PRAME: variants seen among roughly 807,000 people sequenced by gnomAD.
PRAME encodes melanoma antigen preferentially expressed in tumors.
A neutral mutation model predicts 32.1 loss-of-function variants in PRAME; 21 were observed. The observed-to-expected ratio is 0.65, with a 90% CI of 0.46 to 0.94. PRAME has a LOEUF of 0.94. Ranked by LOEUF, PRAME falls within the 40% of genes least tolerant of loss-of-function variation. The pLI, the probability that PRAME is intolerant of heterozygous loss-of-function variation, is 0.00. For missense variants in PRAME, 651 were observed against 622.3 expected (o/e 1.05, Z -0.49); for synonymous variants, 274 against 251.5 (o/e 1.09, Z -0.85).
In PRAME at chr22:22,551,030, C is replaced by T. The variant is rs2062535317; in HGVS notation, c.81G>A (p.Val27=). Residue 27 remains valine (V), a synonymous_variant, in exon 4 of 6, where the codon GTG becomes GTA. Coordinates refer to ENST00000405655, the MANE Select transcript of PRAME (RefSeq NM_206956.3). ...MSVWTSPRRL[V]ELAGQSLLKD... ...TCAGCAGGCTCTGCCCTGCCAGCTC[C>T]ACAAGTCTCCGTGGGCTTGTCCACA... The T allele has an allele frequency of 6.2e-7, 1 of 1,610,434 alleles. No homozygotes were observed. Among genetic ancestry groups the T allele is most frequent in the Non-Finnish European group, 8.5e-7 (1 of 1,177,638 alleles).
chr22:22,555,905 G>A (rs1332482448), intron 3 of PRAME: 1 of 470,828 alleles, frequency 2.1e-6, no homozygotes, highest in Non-Finnish European at 4.4e-6. Context: ...TGACACCACT[G>A]GAAGTGTGGG....
At chr22:22,553,978 T>C in intron 3 of PRAME, 1 of 985,246 alleles carries the variant, frequency 1.0e-6, no homozygotes, top group Non-Finnish European at 1.2e-6. Flanking sequence ...CTGTTCTTTC[T>C]TGCCCCTAAG....
At chr22:22,554,772 T>C (rs927968782) in intron 3 of PRAME, among the ~76,000 whole-genome samples, 3 of 151,912 alleles carry the variant, frequency 2.0e-5, no homozygotes, top group Non-Finnish European at 4.4e-5. Context: ...AATCTAAGTG[T>C]TAGAAAGGGC....
rs2146948884 is a variant in PRAME at position 22,548,371 on chromosome 22, G to T, written c.1226C>A (p.Thr409Lys). ...GGAATTCCCGTAGAAGCTTAAGGTC[G>T]TAAGCTGGGAGCAGTGGCTCAGGGA... ...LPSLSHCSQL[T>K]TLSFYGNSIS... The change falls in exon 6 of 6, where the codon ACG becomes AAG. Residue 409 changes from threonine (T) to lysine (K), a missense_variant. Physicochemically the swap from Thr to Lys is moderately conservative, Grantham distance 78 (BLOSUM62 -1). Coordinates refer to ENST00000405655, the MANE Select transcript of PRAME (RefSeq NM_206956.3). 6.2e-7 allele frequency: 1 copy of T among 1,613,400 alleles called. No homozygotes were observed.
chr22:22,557,133 AGTGACCCCT>A, intron 2 of PRAME: 1 of 497,914 alleles, frequency 2.0e-6, no homozygotes, highest in Non-Finnish European at 3.6e-6. Flanking sequence ...GTTGGTCACA[AGTGACCCCT>A]GTGGTCAAGG....
Position 22,547,844 on chromosome 22 carries a change from A to C in PRAME, c.*223T>G. The C allele has an allele frequency of 3.4e-6, 2 of 583,298 alleles. No individual in the cohort carries two copies. The highest frequency in any genetic ancestry group is 6.0e-6 in the Non-Finnish European group (2 of 331,544). 36.1% of individuals were successfully genotyped at this position (583,298 alleles called of 1,614,324 possible). A position where few individuals can be genotyped will look rare whatever the true frequency, so the allele number is the denominator to read the frequency against. On this transcript the variant is annotated 3_prime_UTR_variant, in exon 6 of 6. Coordinates refer to ENST00000405655, the MANE Select transcript of PRAME (RefSeq NM_206956.3). ...TAACTCTATAAGATGTATCTCCCCA[A>C]AGATCACATTAACTCCTCAAGTCAA... is the stretch of plus-strand genomic sequence containing the variant.
chr22:22,555,797 G>A (rs542191550), intron 3 of PRAME: 3 of 454,018 alleles, frequency 6.6e-6, no homozygotes, highest in South Asian at 1.6e-5. Context: ...GGATGAGGCA[G>A]TGCAATCTTG....
In PRAME at chr22:22,548,223, C is replaced by T. The variant is rs755447323; in HGVS notation, c.1374G>A (p.Glu458=). 1.2e-6 allele frequency: 2 copies of T among 1,613,836 alleles called. No homozygotes were observed. Among genetic ancestry groups the T allele is most frequent in the Non-Finnish European group, 1.7e-6 (2 of 1,179,972 alleles). ...GCCTGGCATGCAGATAGGCAAGCCT[C>T]TCCAGGTGGAGGGTACCATGGATGT... ...YEDIHGTLHL[E]RLAYLHARLR... The change falls in exon 6 of 6, where the codon GAG becomes GAA. Residue 458 remains glutamate (E), a synonymous_variant. Transcript: ENST00000405655.
intron 3 of PRAME, chr22:22,556,014 G>A (rs1292762157): frequency 2.4e-6 from 1 of 409,008 alleles, no homozygotes; most frequent in Admixed American, 2.6e-5. Context: ...TTTTTTGGAG[G>A]AGGAGTTTCA....
rs760158493 is a variant in PRAME at position 22,548,593 on chromosome 22, G to A, written c.1004C>T (p.Ser335Leu). The A allele has an allele frequency of 4.8e-5, 78 of 1,610,704 alleles. 1 individual carries two copies. The Middle Eastern group carries it at 9.9e-4, about 20-fold the overall frequency. ...GGACAGATGCATCACATCCCCTTCC[G>A]AAAGCCGGCAGTTAGTTATTGAGAG... The part of the protein sequence containing the change: ...ETLSITNCRL[S>L]EGDVMHLSQS... Residue 335 changes from serine to leucine, a missense_variant, in exon 6 of 6, where the codon TCG (serine) becomes TTG (leucine). Coordinates refer to ENST00000405655, the MANE Select transcript of PRAME (RefSeq NM_206956.3).
At position 22,550,161 on chromosome 22, in the gene PRAME, A is replaced by T. The variant is rs541813393; in HGVS notation, c.518T>A (p.Ile173Asn). The change falls in exon 5 of 6, where the codon ATT becomes AAT. Residue 173 changes from isoleucine to asparagine, a missense_variant. By Grantham distance (149) the Ile-to-Asn change is moderately radical. Coordinates refer to ENST00000405655, the MANE Select transcript of PRAME (RefSeq NM_206956.3). ...GLSTEAEQPFIPVEVLVDLFL... is the reference protein window; with the variant it reads ...GLSTEAEQPFNPVEVLVDLFL... Reference sequence around the variant, plus strand: ...CAGGTCTACGAGCACCTCTACTGGAATGAAGGGCTGCTCTGCCTCTGTGCT... The same window carrying T: ...CAGGTCTACGAGCACCTCTACTGGATTGAAGGGCTGCTCTGCCTCTGTGCT... 6.2e-7 allele frequency: 1 copy of T among 1,613,862 alleles called. No homozygotes were observed. The highest frequency in any genetic ancestry group is 1.3e-5 in the African/African-American group (1 of 74,984).
At chr22:22,549,545 C>G (rs920994758) in intron 5 of PRAME, among the ~76,000 whole-genome samples, 181 bp downstream of exon 5, 1 of 151,866 alleles carries the variant, frequency 6.6e-6, no homozygotes, top group Non-Finnish European at 1.5e-5. Flanking sequence ...ACCTCTAACC[C>G]TTATGAGTAG....
rs143505065 is a variant in PRAME at position 22,548,447 on chromosome 22, C to T, written c.1150G>A (p.Val384Ile). Residue 384 changes from valine (V) to isoleucine (I), a missense_variant, in exon 6 of 6, where the codon GTC becomes ATC. Coordinates refer to ENST00000405655, the MANE Select transcript of PRAME (RefSeq NM_206956.3). ...TCCGTGATCCCACACTCATCAAAGA[C>T]CAGGTCCTGGAGGGTGGCAGAGGCT... ...ERASATLQDL[V>I]FDECGITDDQ... The T allele has an allele frequency of 3.8e-3, 6,111 of 1,613,646 alleles. 136 individuals are homozygous for T. In the South Asian group the frequency reaches 0.045, roughly 12 times the overall value.
Position 22,550,028 on chromosome 22 carries a change from T to C in PRAME, c.651A>G (p.Ala217=), listed in dbSNP as rs554526902. 4 of 1,613,880 alleles carry C rather than the reference T, an allele frequency of 2.5e-6. No homozygotes were observed. Among genetic ancestry groups the C allele is most frequent in the Admixed American group, 3.3e-5 (2 of 59,986 alleles). The change falls in exon 5 of 6, where the codon GCA becomes GCG. Residue 217 remains alanine (A), a synonymous_variant. Transcript: ENST00000405655. ...RLCCKKLKIF[A]MPMQDIKMIL... is the part of the protein sequence containing the mutation. ...TCATCTTGATATCCTGCATGGGCATTGCAAAAATCTTCAGCTTCTTACAGC... is the reference window on the plus strand; with the variant it reads ...TCATCTTGATATCCTGCATGGGCATCGCAAAAATCTTCAGCTTCTTACAGC...
rs761188622 is a variant in PRAME at position 22,550,014 on chromosome 22, T to C, written c.665A>G (p.Asp222Gly). 1.2e-6 allele frequency: 2 copies of C among 1,613,870 alleles called. No homozygotes were observed. Among genetic ancestry groups the C allele is most frequent in the South Asian group, 1.1e-5 (1 of 91,056 alleles). The change falls in exon 5 of 6, where the codon GAT (aspartate) becomes GGT (glycine). Residue 222 changes from aspartate to glycine, a missense_variant. By Grantham distance (94) the Asp-to-Gly change is moderately conservative (BLOSUM62 -1). Transcript: ENST00000405655. ...CACCATTTTCAGGATCATCTTGATA[T>C]CCTGCATGGGCATTGCAAAAATCTT... The part of the protein sequence containing the change: ...KLKIFAMPMQ[D>G]IKMILKMVQL...
chr22:22,547,714 TTC>T lies in PRAME; in HGVS notation c.*351_*352del, dbSNP rs146148459. The T allele has an allele frequency of 4.8e-3, 1,219 of 256,136 alleles. 17 individuals carry two copies. The highest frequency in any genetic ancestry group is 0.025 in the African/African-American group (1,112 of 44,578). 15.9% of individuals were successfully genotyped at this position (256,136 alleles called of 1,614,324 possible). ...CAAGACACCAGGTGCTTCACATTGC[TTC>T]TCTTTATTTTCAACAGTTTCTTTAC... On this transcript the variant is annotated 3_prime_UTR_variant, in exon 6 of 6. Transcript: ENST00000405655.
At position 22,547,920 on chromosome 22, in the gene PRAME, G is replaced by C; in HGVS notation, c.*147C>G. 2.2e-6 allele frequency: 2 copies of C among 906,840 alleles called. No individual in the cohort carries two copies. Among genetic ancestry groups the C allele is most frequent in the East Asian group, 2.5e-5 (1 of 40,812 alleles). 56.2% of individuals were successfully genotyped at this position (906,840 alleles called of 1,614,324 possible). A position where few individuals can be genotyped will look rare whatever the true frequency, so the allele number is the denominator to read the frequency against. ...TTTTTTCCTCACTGAACATTTGTCT[G>C]AATGTTTTTTCCTCACTGAACATGT... On this transcript the variant is annotated 3_prime_UTR_variant, in exon 6 of 6. Transcript: ENST00000405655.
Position 22,556,815 on chromosome 22 carries a change from C to G in PRAME, c.18G>C (p.Leu6Phe), listed in dbSNP as rs1190417186. 2 of 1,612,888 alleles carry G rather than the reference C, an allele frequency of 1.2e-6. No individual in the cohort carries two copies. The highest frequency in any genetic ancestry group is 1.7e-6 in the Non-Finnish European group (2 of 1,179,892). Residue 6 changes from leucine to phenylalanine, a missense_variant, in exon 3 of 6, where the codon TTG becomes TTC. Leu to Phe is a conservative substitution (Grantham distance 22). Coordinates refer to ENST00000405655, the MANE Select transcript of PRAME (RefSeq NM_206956.3). Reference protein sequence around the residue: MERRRLWGSIQSRYIS... With the variant: MERRRFWGSIQSRYIS... ...ACAGCTCAGGGGACCTTCTTACCCA[C>G]AAACGCCTTCGTTCCATTTTGAAGC...
intron 5 of PRAME, among the ~76,000 whole-genome samples, chr22:22,549,522 T>C (rs1427225616): frequency 1.3e-5 from 2 of 151,926 alleles, no homozygotes; most frequent in Non-Finnish European, 2.9e-5. Flanking sequence ...TAATAGCATC[T>C]ATCCTAATGT....
Sources: gnomAD v4.1 joint callset for allele counts (sites outside exome capture counted in the v4.1 genomes callset) on GRCh38, gnomAD v4.1.1 for gene constraint, MANE v1.5 for transcripts, NCBI Gene and HGNC (gene_info 2026-07-23, HGNC 2026-07-21) for gene names.